BTBD16: variants seen among roughly 807,000 people sequenced by gnomAD.
The protein encoded by BTBD16 is BTB domain containing 16, also known as BTB/POZ domain-containing protein 16.
In BTBD16, 66 loss-of-function variants were observed where a neutral mutation model predicts 67.4. The observed-to-expected ratio is 0.98, with a 90% confidence interval of 0.80 to 1.20. The LOEUF is 1.20. Among genes scored for constraint, BTBD16 ranks in the 50% most tolerant of loss-of-function variants. The probability of loss-of-function intolerance (pLI) is 0.00; values close to 1 mark genes in which losing one functional copy is unlikely to be tolerated. For missense variants in BTBD16, 634 were observed against 616.0 expected, an observed-to-expected ratio of 1.03 and a Z score of -0.31; for synonymous variants, 242 against 236.4, an observed-to-expected ratio of 1.02 and a Z score of -0.22.
intron 3 of BTBD16, among the ~76,000 whole-genome samples, chr10:122,280,407 G>T (rs1240616105): frequency 6.6e-6 from 1 of 152,036 alleles, no homozygotes; most frequent in East Asian, 1.9e-4. Context: ...AGGGGGTTGT[G>T]GCCCTAGGAA....
chr10:122,331,998 C>T (rs2096455905), intron 12 of BTBD16: 1 of 173,844 alleles, frequency 5.8e-6, no homozygotes, highest in Non-Finnish European at 1.2e-5. Context: ...GGGAAGTCCC[C>T]ACCTTCCTCT....
intron 10 of BTBD16, among the ~76,000 whole-genome samples, chr10:122,329,039 G>A (rs1397614027): frequency 1.3e-5 from 2 of 152,152 alleles, no homozygotes; most frequent in Non-Finnish European, 2.9e-5. Flanking sequence ...GGAGTCAGGA[G>A]TCCCGGGTTC....
At chr10:122,294,963 G>A (rs1445684204) in intron 7 of BTBD16, among the ~76,000 whole-genome samples, 5 of 152,254 alleles carry the variant, frequency 3.3e-5, no homozygotes, top group African/African-American at 9.6e-5. Flanking sequence ...TGAGGGTGGG[G>A]CCCGAGCCTC....
rs7095512 is a variant in BTBD16 at position 122,278,359 on chromosome 10, T to C, written c.167+1420T>C. On this transcript the variant is annotated intron_variant, in intron 3 of 15. Coordinates refer to ENST00000260723, the MANE Select transcript of BTBD16 (RefSeq NM_144587.5). ...TACTAATTCTGTGACCTTTAGTCAG[T>C]GGCTAACCCTCTTTGGGCCTCAGTT... is the stretch of plus-strand genomic sequence containing the variant. Among the ~76,000 whole-genome samples, 499 of 152,304 alleles carry C rather than the reference T, an allele frequency of 3.3e-3. 4 individuals are homozygous for C. The highest frequency in any genetic ancestry group is 0.011 in the African/African-American group (451 of 41,564).
intron 10 of BTBD16, among the ~76,000 whole-genome samples, chr10:122,308,912 C>T (rs1232087769): frequency 2.0e-5 from 3 of 152,186 alleles, no homozygotes; most frequent in Non-Finnish European, 4.4e-5. Flanking sequence ...GCTCCTGCTT[C>T]CCCCAGTCCC....
Position 122,294,160 on chromosome 10 carries a change from T to TG in BTBD16, c.590+2969dup, listed in dbSNP as rs1014485967. On this transcript the variant is annotated intron_variant, in intron 7 of 15. Transcript: ENST00000260723. Reference sequence around the variant, plus strand: ...AGGCCAGGGCGGGCCTGCACATAGTTGGGCTGGGTCTTGCCTGCCTTTGAG... The same window carrying TG: ...AGGCCAGGGCGGGCCTGCACATAGTTGGGGCTGGGTCTTGCCTGCCTTTGAG... 2.3e-4 allele frequency: 222 copies of TG among 985,404 alleles called. 1 individual carries two copies. In the African/African-American group the frequency reaches 3.7e-3, roughly 16 times the overall value. 61.0% of individuals were successfully genotyped at this position (985,404 alleles called of 1,614,324 possible).
intron 15 of BTBD16, among the ~76,000 whole-genome samples, chr10:122,336,925 G>C (rs1175672220): frequency 1.3e-5 from 2 of 152,166 alleles, no homozygotes; most frequent in Middle Eastern, 6.4e-3. Context: ...GATCACACCA[G>C]ATCTATTTTA....
At chr10:122,317,891 A>G (rs533423973) in intron 10 of BTBD16, among the ~76,000 whole-genome samples, 4 of 152,184 alleles carry the variant, frequency 2.6e-5, no homozygotes, top group Non-Finnish European at 5.9e-5. Context: ...CTTTTTTTTT[A>G]TAAGTAGAAG....
At chr10:122,287,830 T>C (rs2096366720) in intron 5 of BTBD16, among the ~76,000 whole-genome samples, 1 of 152,224 alleles carries the variant, frequency 6.6e-6, no homozygotes. Flanking sequence ...AGGACGTGTT[T>C]ATTCTCTAGC....
intron 10 of BTBD16, chr10:122,328,656 C>T (rs982101999): frequency 4.5e-6 from 3 of 662,384 alleles, no homozygotes; most frequent in Admixed American, 1.3e-4. Context: ...GGGTCCTATG[C>T]AGGCTCTGCC....
At chr10:122,281,638 T>C (rs1419086707) in intron 3 of BTBD16, among the ~76,000 whole-genome samples, 1 of 152,180 alleles carries the variant, frequency 6.6e-6, no homozygotes, top group Non-Finnish European at 1.5e-5. Context: ...AAAGAGAGAA[T>C]GCTAACTGAA....
chr10:122,332,076 G>T (rs979283393), intron 12 of BTBD16: 1 of 192,668 alleles, frequency 5.2e-6, no homozygotes, highest in Non-Finnish European at 1.1e-5. Context: ...CTCCAATTCC[G>T]CTCCCTCTCC....
chr10:122,287,231 T>C (rs2142060701), intron 5 of BTBD16, among the ~76,000 whole-genome samples: 1 of 152,320 alleles, frequency 6.6e-6, no homozygotes, highest in South Asian at 2.1e-4. Flanking sequence ...CCCAGTGTCT[T>C]CAAGGGCCAG....
Position 122,297,810 on chromosome 10 carries a change from C to G in BTBD16, c.633C>G (p.Ile211Met), listed in dbSNP as rs1182578114. 1.2e-6 allele frequency: 2 copies of G among 1,614,170 alleles called. No individual in the cohort carries two copies. The highest frequency in any genetic ancestry group is 2.2e-5 in the South Asian group (2 of 91,058). Reference protein sequence around the residue: ...VMIARLKPSTIKKFYEAGCKY... With the variant: ...VMIARLKPSTMKKFYEAGCKY... Reference sequence around the variant, plus strand: ...TAGCCAGACTCAAGCCAAGCACCATCAAGAAATTCTACGAGGCCGGCTGCA... The same window carrying G: ...TAGCCAGACTCAAGCCAAGCACCATGAAGAAATTCTACGAGGCCGGCTGCA... The change falls in exon 8 of 16, where the codon ATC (isoleucine) becomes ATG (methionine). Residue 211 changes from isoleucine (I) to methionine (M), a missense_variant. Ile to Met is a conservative substitution (Grantham distance 10). Transcript: ENST00000260723.
intron 10 of BTBD16, among the ~76,000 whole-genome samples, chr10:122,324,761 C>A (rs1479036951): frequency 6.6e-6 from 1 of 152,204 alleles, no homozygotes; most frequent in African/African-American, 2.4e-5. Context: ...GAACCTGAGT[C>A]TCTCTTGTTC....
At chr10:122,322,658 G>A (rs2142120043) in intron 10 of BTBD16, among the ~76,000 whole-genome samples, 1 of 152,264 alleles carries the variant, frequency 6.6e-6, no homozygotes, top group South Asian at 2.1e-4. Context: ...CAGAAATATG[G>A]CACCTGTGGA....
At chr10:122,293,534 G>A (rs1397597905) in intron 7 of BTBD16, among the ~76,000 whole-genome samples, 1 of 152,168 alleles carries the variant, frequency 6.6e-6, no homozygotes, top group African/African-American at 2.4e-5. Flanking sequence ...TTAGGTGGCC[G>A]TGGTAGATGG....
intron 10 of BTBD16, among the ~76,000 whole-genome samples, chr10:122,320,056 A>T (rs1219369738): frequency 1.3e-5 from 2 of 152,146 alleles, no homozygotes; most frequent in Admixed American, 1.3e-4. Flanking sequence ...ACTTTGTATT[A>T]TACAACCTTA....
At chr10:122,281,445 A>G (rs1442819122) in intron 3 of BTBD16, among the ~76,000 whole-genome samples, 3 of 151,826 alleles carry the variant, frequency 2.0e-5, no homozygotes, top group African/African-American at 7.3e-5. Context: ...CTAGAAGGCA[A>G]TGGCTATTCA....
Sources: allele counts gnomAD v4.1 joint callset (sites outside exome capture counted in the v4.1 genomes callset), GRCh38; gene constraint gnomAD v4.1.1; transcripts MANE v1.5; gene names NCBI Gene and HGNC (gene_info 2026-07-23, HGNC 2026-07-21).